Variants in RIMS2 observed in about 807,000 individuals in gnomAD.
RIMS2 encodes regulating synaptic membrane exocytosis 2, also known as regulating synaptic membrane exocytosis protein 2.
RIMS2 carries 59 observed loss-of-function variants against 174.4 expected under a neutral mutation model. The observed-to-expected ratio is 0.34, with a 90% CI of 0.27 to 0.42. The LOEUF is 0.42. Ranked by LOEUF, RIMS2 falls within the 10% of genes least tolerant of loss-of-function variation. The pLI is 1.00. For missense variants in RIMS2, 1,620 were observed against 1,666.3 expected (o/e 0.97, Z 0.48); for synonymous variants, 606 against 572.5 (o/e 1.06, Z -0.84).
At chr8:103,985,491 AAAAAAAAAAAAAG>A (rs2094287641) in intron 16 of RIMS2, among the ~76,000 whole-genome samples, 3 of 150,128 alleles carry the variant, frequency 2.0e-5, no homozygotes, top group Admixed American at 6.6e-5. Context: ...AAAAAAAAAA[AAAAAAAAAAAAAG>A]AGTATAATTG....
chr8:103,756,865 A>G (rs1245628053), intron 2 of RIMS2, among the ~76,000 whole-genome samples: 1 of 152,096 alleles, frequency 6.6e-6, no homozygotes, highest in Non-Finnish European at 1.5e-5. Flanking sequence ...TTACTACTCA[A>G]TATTTTGGCT....
At chr8:103,795,971 C>T (rs531872514) in intron 3 of RIMS2, among the ~76,000 whole-genome samples, 1 of 152,074 alleles carries the variant, frequency 6.6e-6, no homozygotes, top group South Asian at 2.1e-4. Context: ...ATCCCCTAGC[C>T]CATCTTATTG....
At chr8:103,607,539 C>T (rs891813037) in intron 1 of RIMS2, among the ~76,000 whole-genome samples, 3 of 149,656 alleles carry the variant, frequency 2.0e-5, no homozygotes, top group East Asian at 1.9e-4. Flanking sequence ...TGAATCTGAA[C>T]GTTGGCCTGC....
At chr8:103,584,898 G>C (rs550834489) in intron 1 of RIMS2, among the ~76,000 whole-genome samples, 2 of 128,540 alleles carry the variant, frequency 1.6e-5, no homozygotes, top group Non-Finnish European at 3.2e-5. Flanking sequence ...TAATAACATT[G>C]AATGTAAATG....
intron 1 of RIMS2, among the ~76,000 whole-genome samples, chr8:103,620,324 A>G (rs773276866): frequency 1.3e-5 from 2 of 152,132 alleles, no homozygotes; most frequent in African/African-American, 4.8e-5. Flanking sequence ...TAAGTTAAAC[A>G]TATATATGAC....
At chr8:103,812,778 A>G (rs569593337) in intron 3 of RIMS2, among the ~76,000 whole-genome samples, 57 of 152,240 alleles carry the variant, frequency 3.7e-4, no homozygotes, top group Middle Eastern at 3.4e-3. Flanking sequence ...CCTGAGGTGA[A>G]TTGTTCTATG....
At chr8:103,998,121 C>A in intron 17 of RIMS2, 2 of 1,213,888 alleles carry the variant, frequency 1.6e-6, no homozygotes, top group Non-Finnish European at 2.4e-6. Context: ...TTAAATTAAA[C>A]TATACTTTTT....
intron 4 of RIMS2, among the ~76,000 whole-genome samples, chr8:103,900,986 T>A (rs2099325284): frequency 6.6e-6 from 1 of 152,180 alleles, no homozygotes; most frequent in African/African-American, 2.4e-5. Flanking sequence ...GACGCTGTGC[T>A]CAATGATCTT....
chr8:103,902,657 T>C (rs10091132), intron 4 of RIMS2, among the ~76,000 whole-genome samples: 9,658 of 152,222 alleles, frequency 0.063, 330 homozygotes, highest in Non-Finnish European at 0.071. Flanking sequence ...AGTGACTATC[T>C]TATGAGAGGA....
At chr8:103,913,448 A>T (rs903422432) in intron 6 of RIMS2, among the ~76,000 whole-genome samples, 1 of 152,102 alleles carries the variant, frequency 6.6e-6, no homozygotes, top group East Asian at 1.9e-4. Context: ...TAAAAAAAGT[A>T]AATGTTTTAG....
At chr8:103,996,851 A>C (rs926998332) in intron 17 of RIMS2, among the ~76,000 whole-genome samples, 20 of 152,030 alleles carry the variant, frequency 1.3e-4, no homozygotes, top group African/African-American at 4.8e-4. Context: ...CTTTTAATGG[A>C]GTACTCGGCA....
chr8:103,647,505 C>T (rs1012786134), intron 1 of RIMS2, among the ~76,000 whole-genome samples: 1 of 152,060 alleles, frequency 6.6e-6, no homozygotes, highest in Non-Finnish European at 1.5e-5. Context: ...ATGGTACCAG[C>T]TTTTATTTGT....
At chr8:104,234,995 T>C (rs538460038) in intron 19 of RIMS2, among the ~76,000 whole-genome samples, 81 of 152,280 alleles carry the variant, frequency 5.3e-4, no homozygotes, top group African/African-American at 1.9e-3. Context: ...GAAATGCATA[T>C]GTATATTGTA....
intron 1 of RIMS2, among the ~76,000 whole-genome samples, chr8:103,523,967 T>G (rs1267057684): frequency 1.3e-5 from 2 of 152,172 alleles, no homozygotes; most frequent in East Asian, 1.9e-4. Flanking sequence ...TCTTCAAAAC[T>G]AAGATGATTT....
intron 16 of RIMS2, among the ~76,000 whole-genome samples, chr8:103,988,091 A>G (rs1039327744): frequency 1.3e-5 from 2 of 152,248 alleles, no homozygotes; most frequent in Non-Finnish European, 2.9e-5. Flanking sequence ...AGACATACCA[A>G]TAAATCCATT....
intron 19 of RIMS2, among the ~76,000 whole-genome samples, chr8:104,102,220 T>C (rs1226397163): frequency 1.3e-5 from 2 of 152,116 alleles, no homozygotes; most frequent in Admixed American, 6.6e-5. Flanking sequence ...TTAAATTCAT[T>C]ATACCCCTCA....
In RIMS2 at chr8:103,927,950, T is replaced by G. The variant is rs530946512; in HGVS notation, c.2244+61T>G. ...GTGTTTAACCCTATTTGTATGTTTT[T>G]GGAAAATGCGTTAGTAGGAAAACTT... is the stretch of plus-strand genomic sequence containing the variant. On this transcript the variant is annotated intron_variant, in intron 11 of 23. Coordinates refer to ENST00000504942, the Ensembl canonical transcript of RIMS2. The G allele has an allele frequency of 5.7e-6, 8 of 1,410,970 alleles. No individual in the cohort carries two copies. The East Asian group carries it at 1.9e-4, about 33-fold the overall frequency. The allele number at this position is 1,410,970 out of a possible 1,614,324, so 87.4% of individuals were successfully genotyped here.
rs1159454151 is a variant in RIMS2, at chr8:103,989,281, AT to A, written c.2928-22del. The stretch of plus-strand genomic sequence containing the variant: ...AGTGTTTCAAATGGTTTACTAAGAT[AT>A]TGAATAGATCTTGTTGTTTTAGTCG... On this transcript the variant is annotated intron_variant, in intron 16 of 23. Transcript: ENST00000504942. 3.0e-6 allele frequency: 4 copies of A among 1,316,928 alleles called. No homozygotes were observed. In the East Asian group the frequency reaches 9.2e-5, roughly 30 times the overall value. 81.6% of individuals were successfully genotyped at this position (1,316,928 alleles called of 1,614,324 possible). A position where few individuals can be genotyped will look rare whatever the true frequency, so the allele number is the denominator to read the frequency against.
Position 104,186,265 on chromosome 8 carries a change from C to T in RIMS2, c.3335-58651C>T, listed in dbSNP as rs545483179. ...GAAGGGATGGATGACGAGAAATTAC[C>T]TAATGGGTACAATGTATATTATTTG... On this transcript the variant is annotated intron_variant, in intron 19 of 23. Transcript: ENST00000504942. Among the ~76,000 whole-genome samples the T allele has an allele frequency of 6.6e-5, 10 of 151,520 alleles. No individual in the cohort carries two copies. The South Asian group carries it at 1.5e-3, about 22-fold the overall frequency.
Sources: allele counts gnomAD v4.1 joint callset (sites outside exome capture counted in the v4.1 genomes callset), GRCh38; gene constraint gnomAD v4.1.1; transcripts MANE v1.5; gene names NCBI Gene and HGNC (gene_info 2026-07-23, HGNC 2026-07-21).